Variants in CRYL1 observed in about 807,000 individuals in gnomAD.
CRYL1 encodes the protein crystallin lambda 1.
A neutral mutation model predicts 36.6 loss-of-function variants in CRYL1; 29 were observed. The ratio of observed to expected loss-of-function variants is 0.79; its 90% CI spans 0.59 to 1.08. CRYL1 has a LOEUF of 1.08. CRYL1 is among the 50% of genes least tolerant of loss of function. CRYL1 has a pLI of 0.00. For missense variants in CRYL1, 411 were observed against 407.9 expected, an observed-to-expected ratio of 1.01 and a Z score of -0.06; for synonymous variants, 152 against 151.5, an observed-to-expected ratio of 1.00 and a Z score of -0.02.
At chr13:20,424,605 C>T (rs1210891094) in intron 5 of CRYL1, among the ~76,000 whole-genome samples, 4 of 152,190 alleles carry the variant, frequency 2.6e-5, no homozygotes, top group South Asian at 2.1e-4. Context: ...CAGCTCTAAG[C>T]GGCACCTGGG....
At chr13:20,427,077 A>G (rs912923399) in intron 5 of CRYL1, 13 of 985,410 alleles carry the variant, frequency 1.3e-5, no homozygotes, top group African/African-American at 1.7e-5. Flanking sequence ...ATTTACAGGC[A>G]ACAAACTTAG....
intron 3 of CRYL1, among the ~76,000 whole-genome samples, chr13:20,477,471 G>A (rs1209580930): frequency 1.3e-5 from 2 of 150,892 alleles, no homozygotes; most frequent in Non-Finnish European, 2.9e-5. Flanking sequence ...GGGTTGGAGA[G>A]CGGGCATGGC....
chr13:20,499,445 G>A (rs976243490), intron 2 of CRYL1, among the ~76,000 whole-genome samples: 13 of 151,400 alleles, frequency 8.6e-5, no homozygotes, highest in African/African-American at 2.4e-4. Flanking sequence ...TCAGGAGATC[G>A]AGACTATCCT....
chr13:20,421,484 T>C (rs1397848532), intron 5 of CRYL1, among the ~76,000 whole-genome samples: 1 of 152,152 alleles, frequency 6.6e-6, no homozygotes, highest in Non-Finnish European at 1.5e-5. Flanking sequence ...CTTCCTGCCT[T>C]GATGGCCCAT....
chr13:20,506,037 T>C (rs971260385), intron 2 of CRYL1, among the ~76,000 whole-genome samples: 1 of 152,200 alleles, frequency 6.6e-6, no homozygotes, highest in African/African-American at 2.4e-5. Flanking sequence ...GAATGGTACA[T>C]TTGAAGATCT....
chr13:20,522,576 G>A (rs761316537), intron 1 of CRYL1, among the ~76,000 whole-genome samples: 3 of 152,154 alleles, frequency 2.0e-5, no homozygotes, highest in Non-Finnish European at 4.4e-5. Flanking sequence ...CACGCATGGT[G>A]GATACAAATG....
intron 2 of CRYL1, among the ~76,000 whole-genome samples, chr13:20,496,776 T>A (rs1593486720): frequency 7.3e-6 from 1 of 137,356 alleles, no homozygotes; most frequent in African/African-American, 2.8e-5. Flanking sequence ...GCCCCCGAGG[T>A]GGAGGCTGCA....
At chr13:20,433,741 G>T (rs1015124830) in intron 4 of CRYL1, 1 of 154,388 alleles carries the variant, frequency 6.5e-6, no homozygotes, top group Non-Finnish European at 1.5e-5. Flanking sequence ...TGCTGGGATT[G>T]GGGTCTTTCA....
intron 3 of CRYL1, among the ~76,000 whole-genome samples, chr13:20,487,556 A>G (rs558148739): frequency 7.9e-5 from 12 of 152,362 alleles, no homozygotes; most frequent in Admixed American, 5.9e-4. Context: ...AAGTAGAAAT[A>G]TTATAATAAT....
intron 2 of CRYL1, among the ~76,000 whole-genome samples, chr13:20,499,638 C>A (rs1026406802): frequency 1.3e-5 from 2 of 151,890 alleles, no homozygotes; most frequent in African/African-American, 4.8e-5. Flanking sequence ...GGTGACAGAG[C>A]GAGACTCTGA....
At chr13:20,465,236 G>A (rs1041852725) in intron 3 of CRYL1, among the ~76,000 whole-genome samples, 5 of 152,118 alleles carry the variant, frequency 3.3e-5, no homozygotes, top group South Asian at 2.1e-4. Context: ...ACAAGGTTTC[G>A]CAGCAGGCAG....
chr13:20,461,508 C>A (rs770208284), intron 3 of CRYL1, among the ~76,000 whole-genome samples: 4 of 152,100 alleles, frequency 2.6e-5, no homozygotes, highest in Non-Finnish European at 4.4e-5. Context: ...ATTAAAAAGA[C>A]CTGGCAGCTC....
rs556630887 is a variant in CRYL1, at chr13:20,518,048, T to C, written c.42-5498A>G. Among the ~76,000 whole-genome samples, 3 of 151,962 alleles carry C rather than the reference T, an allele frequency of 2.0e-5. No individual in the cohort carries two copies. The East Asian group carries it at 5.8e-4, about 29-fold the overall frequency. The stretch of plus-strand genomic sequence containing the variant: ...ACTCACCTTCATATTCCTGGCATGT[T>C]GTAGAGGCTCAATAAATGTGAAAAA... On this transcript the variant is annotated intron_variant, in intron 1 of 7. Coordinates refer to ENST00000298248, the MANE Select transcript of CRYL1 (RefSeq NM_015974.3).
chr13:20,470,932 A>C (rs1409117038), intron 3 of CRYL1, among the ~76,000 whole-genome samples: 3 of 151,208 alleles, frequency 2.0e-5, no homozygotes, highest in South Asian at 4.1e-4. Flanking sequence ...AAAAACAAAA[A>C]AAAAAACCCA....
chr13:20,419,957 G>A (rs2031762075), intron 5 of CRYL1, among the ~76,000 whole-genome samples: 1 of 152,242 alleles, frequency 6.6e-6, no homozygotes, highest in Non-Finnish European at 1.5e-5. Flanking sequence ...GTGAGGCCAA[G>A]ATGAGACTTT....
intron 3 of CRYL1, among the ~76,000 whole-genome samples, chr13:20,465,015 C>G (rs889014310): frequency 6.6e-6 from 1 of 151,992 alleles, no homozygotes; most frequent in South Asian, 2.1e-4. Flanking sequence ...TAAAAAGATT[C>G]TAAATATTTC....
intron 4 of CRYL1, among the ~76,000 whole-genome samples, chr13:20,433,621 G>A (rs1217773552): frequency 2.0e-5 from 3 of 152,190 alleles, no homozygotes; most frequent in African/African-American, 7.2e-5. Flanking sequence ...GTCACCTACT[G>A]AATTCTTATA....
intron 4 of CRYL1, among the ~76,000 whole-genome samples, chr13:20,436,090 G>C (rs374931730): frequency 1.3e-5 from 2 of 152,338 alleles, no homozygotes; most frequent in Non-Finnish European, 1.5e-5. Flanking sequence ...ACTTCGGTGT[G>C]AGACGTGAGG....
chr13:20,436,630 C>A (rs541387913), intron 4 of CRYL1, among the ~76,000 whole-genome samples: 2 of 152,180 alleles, frequency 1.3e-5, no homozygotes, highest in African/African-American at 4.8e-5. Context: ...CCCTAAAACC[C>A]AGCCTGAACT....
Sources: allele counts gnomAD v4.1 joint callset (sites outside exome capture counted in the v4.1 genomes callset), GRCh38; gene constraint gnomAD v4.1.1; transcripts MANE v1.5; gene names NCBI Gene and HGNC (gene_info 2026-07-23, HGNC 2026-07-21).